ZER1: variants seen among roughly 807,000 people sequenced by gnomAD.
ZER1 encodes protein zer-1 homolog.
In ZER1, 11 loss-of-function variants were observed where a neutral mutation model predicts 78.8. The observed-to-expected ratio is 0.14, with a 90% CI of 0.09 to 0.23. ZER1 has a LOEUF of 0.23. Ranked by LOEUF, ZER1 falls within the 10% of genes least tolerant of loss-of-function variation. The probability of loss-of-function intolerance (pLI) is 1.00; values close to 1 mark genes in which losing one functional copy is unlikely to be tolerated. For synonymous variants in ZER1, 400 were observed against 407.0 expected (o/e 0.98, Z 0.21); for missense variants, 588 against 996.9 (o/e 0.59, Z 5.52).
At position 128,740,655 on chromosome 9, in the gene ZER1, G is replaced by C. The variant is rs1383141268; in HGVS notation, c.1853+117C>G. On this transcript the variant is annotated intron_variant, in intron 12 of 15. Coordinates refer to ENST00000291900, the MANE Select transcript of ZER1 (RefSeq NM_006336.4). This position sits in a 1 kb window ranked among gnomAD's most constrained non-coding sequence, Gnocchi z 4.4. The stretch of plus-strand genomic sequence containing the variant: ...AATGAATAAGAAACCACATTATCGA[G>C]GGAAAATGACATTTATAGCAAACCT... 1 of 625,196 alleles carries C rather than the reference G, an allele frequency of 1.6e-6. No homozygotes were observed. The highest frequency in any genetic ancestry group is 2.9e-6 in the Non-Finnish European group (1 of 343,098). 38.7% of individuals were successfully genotyped at this position (625,196 alleles called of 1,614,324 possible). A position where few individuals can be genotyped will look rare whatever the true frequency, so the allele number is the denominator to read the frequency against.
chr9:128,766,363 A>T (rs1864208509), intron 1 of ZER1, among the ~76,000 whole-genome samples: 1 of 151,936 alleles, frequency 6.6e-6, no homozygotes, highest in African/African-American at 2.4e-5. Flanking sequence ...AAAAAAAAAA[A>T]AAAGAACTCT....
intron 5 of ZER1, among the ~76,000 whole-genome samples, chr9:128,752,416 C>T (rs1401248810): frequency 6.6e-6 from 1 of 152,144 alleles, no homozygotes; most frequent in Non-Finnish European, 1.5e-5. Context: ...GCTCCGCCTC[C>T]CGGCTTCAAT....
chr9:128,731,441 G>GGGGGGGGGGGGGGCC, intron 15 of ZER1, 47 bp from the exon 16 acceptor site: 1 of 704,910 alleles, frequency 1.4e-6, no homozygotes, highest in Non-Finnish European at 2.6e-6. Flanking sequence ...CTTGGGTGGG[G>GGGGGGGGGGGGGGCC]GTGAGCCCAG....
chr9:128,738,944 T>C (rs1863191079), intron 13 of ZER1, among the ~76,000 whole-genome samples: 1 of 147,598 alleles, frequency 6.8e-6, no homozygotes, highest in East Asian at 2.1e-4. Flanking sequence ...CTCTGCCTCC[T>C]GGGTTCAAGC....
chr9:128,771,451 A>G (rs1864380704), intron 1 of ZER1, 130 bp downstream of exon 1: 1 of 152,382 alleles, frequency 6.6e-6, no homozygotes, highest in South Asian at 2.1e-4. Flanking sequence ...GGGATAGAGA[A>G]AGGAACCCTC....
In ZER1 at chr9:128,752,715, T is replaced by C; in HGVS notation, c.881A>G (p.Asn294Ser). 1 of 1,614,040 alleles carries C rather than the reference T, an allele frequency of 6.2e-7. No homozygotes were observed. Among genetic ancestry groups the C allele is most frequent in the East Asian group, 2.2e-5 (1 of 44,886 alleles). ...LDISGHMILE[N>S]CSISKMEEEA... is the part of the protein sequence containing the mutation. Reference sequence around the variant, plus strand: ...CTCTTCCATCTTGGAGATGCTGCAGTTCTCTAGGATCATGTGGCCAGAGAT... The same window carrying C: ...CTCTTCCATCTTGGAGATGCTGCAGCTCTCTAGGATCATGTGGCCAGAGAT... Residue 294 changes from asparagine to serine, a missense_variant, in exon 5 of 16, where the codon AAC becomes AGC. This residue lies in a region of ZER1 where 406 missense variants were observed against 660.1 expected (regional missense o/e 0.62). Coordinates refer to ENST00000291900, the MANE Select transcript of ZER1 (RefSeq NM_006336.4).
At chr9:128,741,453 T>G in intron 11 of ZER1, 82 bp downstream of exon 11, 17 of 1,581,210 alleles carry the variant, frequency 1.1e-5, no homozygotes, top group South Asian at 2.2e-5. Flanking sequence ...GTGCTGCGGA[T>G]TTGGTTGGTG....
rs559579467 is a variant in ZER1 at position 128,744,298 on chromosome 9, T to C, written c.1360-1553A>G. Among the ~76,000 whole-genome samples, 15 of 151,722 alleles carry C rather than the reference T, an allele frequency of 9.9e-5. No individual in the cohort carries two copies. The East Asian group carries it at 2.9e-3, about 30-fold the overall frequency. Reference sequence around the variant, plus strand: ...CCTCTGCCTCGCGGGTCCAAGCGATTCTCCTGCCTCAGCCTCCCAAGTAGC... The same window carrying C: ...CCTCTGCCTCGCGGGTCCAAGCGATCCTCCTGCCTCAGCCTCCCAAGTAGC... On this transcript the variant is annotated intron_variant, in intron 8 of 15. Transcript: ENST00000291900.
Position 128,738,567 on chromosome 9 carries a change from A to G in ZER1, c.2042+1364T>C, listed in dbSNP as rs531117993. Among the ~76,000 whole-genome samples, 831 of 139,628 alleles carry G rather than the reference A, an allele frequency of 6.0e-3. 2 individuals carry two copies. The highest frequency in any genetic ancestry group is 7.8e-3 in the Non-Finnish European group (502 of 64,510). 91.6% of individuals were successfully genotyped at this position (139,628 alleles called of 152,430 possible). ...CGCCCGGCTAATTTTTTGTATTTTT[A>G]GTAGAGGTGGGGTTTCACTGCGTTA... is the stretch of plus-strand genomic sequence containing the variant. On this transcript the variant is annotated intron_variant, in intron 13 of 15. Transcript: ENST00000291900.
intron 13 of ZER1, among the ~76,000 whole-genome samples, chr9:128,736,109 C>T (rs1179578127): frequency 1.3e-4 from 20 of 151,790 alleles, no homozygotes; most frequent in Non-Finnish European, 1.2e-4. Flanking sequence ...CCACCAAACC[C>T]GGCTAATTTT....
chr9:128,755,533 G>A lies in ZER1; in HGVS notation c.33C>T (p.Ala11=). 1 of 1,613,834 alleles carries A rather than the reference G, an allele frequency of 6.2e-7. No homozygotes were observed. The highest frequency in any genetic ancestry group is 8.5e-7 in the Non-Finnish European group (1 of 1,179,866). MASDTPESLM[A]LCTDFCLRNL... ...TGCGCAAGCAGAAGTCAGTACAGAG[G>A]GCCATCAGCGACTCGGGAGTGTCGG... is the stretch of plus-strand genomic sequence containing the variant. The change falls in exon 2 of 16, where the codon GCC becomes GCT. Residue 11 remains alanine (A), a synonymous_variant. Transcript: ENST00000291900. This position sits in a 1 kb window ranked among gnomAD's most constrained non-coding sequence, Gnocchi z 5.6.
intron 1 of ZER1, among the ~76,000 whole-genome samples, chr9:128,760,180 T>A (rs1589542771): frequency 6.6e-6 from 1 of 150,500 alleles, no homozygotes; most frequent in East Asian, 2.0e-4. Flanking sequence ...GTGCCTGGTC[T>A]CTCATGTATG....
chr9:128,750,484 A>T, intron 8 of ZER1, 132 bp downstream of exon 8: 22 of 1,055,356 alleles, frequency 2.1e-5, no homozygotes, highest in Non-Finnish European at 3.0e-5. Flanking sequence ...CCCAAGAGTC[A>T]GGGAGTGCTG....
In ZER1 at chr9:128,755,235, G is replaced by A. The variant is rs556858512; in HGVS notation, c.158+173C>T. On this transcript the variant is annotated intron_variant, in intron 2 of 15. Coordinates refer to ENST00000291900, the MANE Select transcript of ZER1 (RefSeq NM_006336.4). This position sits in a 1 kb window ranked among gnomAD's most constrained non-coding sequence, Gnocchi z 5.6. Reference sequence around the variant, plus strand: ...AACACACACACATATACACCTTTACGGTTATGGATACACCACTATTCTCTT... The same window carrying A: ...AACACACACACATATACACCTTTACAGTTATGGATACACCACTATTCTCTT... 1.3e-5 allele frequency among the ~76,000 whole-genome samples: 2 copies of A among 151,776 alleles called. No individual in the cohort carries two copies. Among genetic ancestry groups the A allele is most frequent in the East Asian group, 1.9e-4 (1 of 5,158 alleles).
In ZER1 at chr9:128,752,856, A is replaced by G. The variant is rs776391326; in HGVS notation, c.747-7T>C. The G allele has an allele frequency of 6.2e-7, 1 of 1,612,258 alleles. No homozygotes were observed. The highest frequency in any genetic ancestry group is 8.5e-7 in the Non-Finnish European group (1 of 1,178,966). On this transcript the variant is annotated splice_polypyrimidine_tract_variant and splice_region_variant and intron_variant, in intron 4 of 15. Transcript: ENST00000291900. Reference sequence around the variant, plus strand: ...TCGGGAGATGTCCAGGTGTCTGAAGATTGGGGTAGGGGGTGCAGGTTAGGA... The same window carrying G: ...TCGGGAGATGTCCAGGTGTCTGAAGGTTGGGGTAGGGGGTGCAGGTTAGGA...
Position 128,753,846 on chromosome 9 carries a change from A to G in ZER1, c.272T>C (p.Leu91Pro), listed in dbSNP as rs1339083268. The change falls in exon 3 of 16, where the codon CTG becomes CCG. Residue 91 changes from leucine to proline, a missense_variant. By Grantham distance (98) the Leu-to-Pro change is moderately conservative. This residue lies in a region of ZER1 where 406 missense variants were observed against 660.1 expected (regional missense o/e 0.62). Coordinates refer to ENST00000291900, the MANE Select transcript of ZER1 (RefSeq NM_006336.4). This position sits in a 1 kb window ranked among gnomAD's most constrained non-coding sequence, Gnocchi z 7.5. Reference sequence around the variant, plus strand: ...GGCCTCCAGGTCCTGGTCCTGCACCAGGTCCTCACGGAGGTGGATCCGCGT... The same window carrying G: ...GGCCTCCAGGTCCTGGTCCTGCACCGGGTCCTCACGGAGGTGGATCCGCGT... ...RLTRIHLREDLVQDQDLEAIR... is the reference protein window; with the variant it reads ...RLTRIHLREDPVQDQDLEAIR... 1 of 1,602,388 alleles carries G rather than the reference A, an allele frequency of 6.2e-7. No homozygotes were observed. Among genetic ancestry groups the G allele is most frequent in the Non-Finnish European group, 8.5e-7 (1 of 1,175,284 alleles).
At chr9:128,749,700 G>A (rs961292828) in intron 8 of ZER1, among the ~76,000 whole-genome samples, 4 of 151,766 alleles carry the variant, frequency 2.6e-5, no homozygotes, top group East Asian at 1.9e-4. Context: ...ACTTGAACCC[G>A]CCACTGCTCT....
At chr9:128,761,645 C>A (rs1864052734) in intron 1 of ZER1, among the ~76,000 whole-genome samples, 2 of 147,450 alleles carry the variant, frequency 1.4e-5, no homozygotes, top group Non-Finnish European at 3.0e-5. Context: ...CACTCTGTCA[C>A]CCAGGCTGGA....
intron 1 of ZER1, among the ~76,000 whole-genome samples, chr9:128,758,509 C>G (rs761471548): frequency 5.3e-5 from 8 of 151,914 alleles, no homozygotes; most frequent in African/African-American, 9.7e-5. Flanking sequence ...CCCTCTATTT[C>G]CCAGGCTCAA....
Sources: allele counts gnomAD v4.1 joint callset (sites outside exome capture counted in the v4.1 genomes callset), GRCh38; gene constraint gnomAD v4.1.1; regional missense constraint gnomAD v4.1.1; non-coding constraint Gnocchi (gnomAD v3.1); transcripts MANE v1.5; gene names NCBI Gene and HGNC (gene_info 2026-07-23, HGNC 2026-07-21).